NRCAM: variants seen among roughly 807,000 people sequenced by gnomAD.
NRCAM encodes the protein NgCAM-related cell adhesion molecule.
NRCAM carries 83 observed loss-of-function variants against 156.5 expected under a neutral mutation model. The ratio of observed to expected loss-of-function variants is 0.53; its 90% CI spans 0.44 to 0.64. The LOEUF is 0.64. Ranked by LOEUF, NRCAM falls within the 30% of genes least tolerant of loss-of-function variation. The pLI is 0.00. For synonymous variants in NRCAM, 538 were observed against 563.9 expected, an observed-to-expected ratio of 0.95 and a Z score of 0.65; for missense variants, 1,417 against 1,597.3, an observed-to-expected ratio of 0.89 and a Z score of 1.92.
intron 1 of NRCAM, among the ~76,000 whole-genome samples, chr7:108,405,060 C>T (rs889694137): frequency 6.6e-6 from 1 of 152,154 alleles, no homozygotes; most frequent in Non-Finnish European, 1.5e-5. Flanking sequence ...AGAGAGCTAG[C>T]GGCATATGAA....
At position 108,172,612 on chromosome 7, in the gene NRCAM, A is replaced by G. The variant is rs1190912919; in HGVS notation, c.3187+2710T>C. Among the ~76,000 whole-genome samples the G allele has an allele frequency of 5.3e-5, 8 of 152,188 alleles. No homozygotes were observed. The South Asian group carries it at 1.0e-3, about 20-fold the overall frequency. On this transcript the variant is annotated intron_variant, in intron 28 of 32. Transcript: ENST00000379028. ...CACCCAGCCTCATTTAAAGAGACAT[A>G]GAAATTGAAAAAATATGCCAATCAA...
chr7:108,341,011 G>A (rs1288527906), intron 2 of NRCAM, among the ~76,000 whole-genome samples: 3 of 152,210 alleles, frequency 2.0e-5, no homozygotes, highest in Non-Finnish European at 2.9e-5. Context: ...AGCAGACTTT[G>A]GAGGCTCTGG....
intron 2 of NRCAM, among the ~76,000 whole-genome samples, chr7:108,352,075 A>G (rs995738491): frequency 6.6e-6 from 1 of 152,202 alleles, no homozygotes; most frequent in African/African-American, 2.4e-5. Flanking sequence ...CAACAAAGCC[A>G]CCATTATACA....
At chr7:108,359,430 T>G (rs1382537838) in intron 2 of NRCAM, among the ~76,000 whole-genome samples, 1 of 152,158 alleles carries the variant, frequency 6.6e-6, no homozygotes, top group Non-Finnish European at 1.5e-5. Flanking sequence ...ATATGATACT[T>G]GAAGGAAGAT....
intron 2 of NRCAM, among the ~76,000 whole-genome samples, chr7:108,389,707 C>G (rs1357020695): frequency 1.3e-5 from 2 of 152,102 alleles, no homozygotes; most frequent in African/African-American, 4.8e-5. Context: ...ATAAATAGCT[C>G]TTATTAATTT....
intron 3 of NRCAM, among the ~76,000 whole-genome samples, chr7:108,305,377 T>A (rs1440240093): frequency 6.6e-6 from 1 of 152,248 alleles, no homozygotes; most frequent in Non-Finnish European, 1.5e-5. Context: ...TATGGTACTT[T>A]TGTCTAGTCA....
chr7:108,223,916 T>G (rs2092913642), intron 10 of NRCAM, 80 bp from the exon 11 acceptor site: 3 of 735,114 alleles, frequency 4.1e-6, no homozygotes, highest in Non-Finnish European at 7.2e-6. Flanking sequence ...AAAAGCTGTC[T>G]AAAATTCCAA....
At chr7:108,269,710 C>A (rs1209719360) in intron 3 of NRCAM, among the ~76,000 whole-genome samples, 1 of 152,176 alleles carries the variant, frequency 6.6e-6, no homozygotes, top group East Asian at 1.9e-4. Context: ...CTCCATTAAT[C>A]AGTCAGTTAA....
intron 3 of NRCAM, among the ~76,000 whole-genome samples, chr7:108,294,735 A>T (rs2098417957): frequency 6.6e-6 from 1 of 152,176 alleles, no homozygotes; most frequent in African/African-American, 2.4e-5. Flanking sequence ...TTTGGCATGC[A>T]GTCTAGTCTG....
chr7:108,451,993 T>C (rs1850913721), intron 1 of NRCAM, among the ~76,000 whole-genome samples: 1 of 152,236 alleles, frequency 6.6e-6, no homozygotes, highest in African/African-American at 2.4e-5. Flanking sequence ...AAAAACATTT[T>C]TTAAATAAAC....
At chr7:108,392,028 T>C (rs923977952) in intron 2 of NRCAM, among the ~76,000 whole-genome samples, 27 of 152,234 alleles carry the variant, frequency 1.8e-4, no homozygotes, top group African/African-American at 6.5e-4. Flanking sequence ...ATTTCAACTT[T>C]GGTGAATCTG....
intron 2 of NRCAM, among the ~76,000 whole-genome samples, chr7:108,388,351 T>C (rs2099748108): frequency 6.6e-6 from 1 of 152,222 alleles, no homozygotes; most frequent in African/African-American, 2.4e-5. Flanking sequence ...GCTGCAAAAA[T>C]GTCTTCTTTT....
intron 3 of NRCAM, among the ~76,000 whole-genome samples, chr7:108,265,116 T>C (rs1590801596): frequency 6.6e-6 from 1 of 152,180 alleles, no homozygotes; most frequent in Non-Finnish European, 1.5e-5. Flanking sequence ...CCGTGGCTCA[T>C]ACAGGGCTTT....
chr7:108,355,977 T>G (rs1013137995), intron 2 of NRCAM, among the ~76,000 whole-genome samples: 4 of 151,674 alleles, frequency 2.6e-5, no homozygotes, highest in African/African-American at 9.7e-5. Context: ...AGTCTCGCTC[T>G]GTTGCCCAAG....
intron 3 of NRCAM, among the ~76,000 whole-genome samples, chr7:108,286,481 A>G (rs1391949505): frequency 6.6e-6 from 1 of 152,040 alleles, no homozygotes; most frequent in Admixed American, 6.6e-5. Flanking sequence ...AAGAAAGCGG[A>G]AAAAAAAGGA....
chr7:108,176,413 A>C lies in NRCAM; in HGVS notation c.3151+17T>G, dbSNP rs1387763485. The C allele has an allele frequency of 6.3e-7, 1 of 1,599,750 alleles. No homozygotes were observed. Among genetic ancestry groups the C allele is most frequent in the Admixed American group, 1.7e-5 (1 of 59,956 alleles). ...TGATGCTTATAATTATATGGATTTT[A>C]TACATACCCATCTTACCTTCATCCA... is the stretch of plus-strand genomic sequence containing the variant. On this transcript the variant is annotated intron_variant, in intron 27 of 32. Coordinates refer to ENST00000379028, the MANE Select transcript of NRCAM (RefSeq NM_001037132.4).
intron 13 of NRCAM, among the ~76,000 whole-genome samples, chr7:108,203,694 G>GT (rs2079418311): frequency 6.6e-6 from 1 of 152,182 alleles, no homozygotes; most frequent in Admixed American, 6.5e-5. Context: ...TCCCCTGACT[G>GT]TATCTCTGTT....
At chr7:108,360,897 G>T (rs150203093) in intron 2 of NRCAM, among the ~76,000 whole-genome samples, 95 of 152,162 alleles carry the variant, frequency 6.2e-4, no homozygotes, top group African/African-American at 2.1e-3. Context: ...ACTATTAGAA[G>T]AAAATATGGA....
At chr7:108,452,790 A>G (rs1025416865) in intron 1 of NRCAM, among the ~76,000 whole-genome samples, 1 of 152,228 alleles carries the variant, frequency 6.6e-6, no homozygotes, top group African/African-American at 2.4e-5. Context: ...CGAGCTTCTC[A>G]GATGGTAGGT....
Sources: allele counts gnomAD v4.1 joint callset (sites outside exome capture counted in the v4.1 genomes callset), GRCh38; gene constraint gnomAD v4.1.1; transcripts MANE v1.5; gene names NCBI Gene and HGNC (gene_info 2026-07-23, HGNC 2026-07-21).